SGCD: variants seen among roughly 807,000 people sequenced by gnomAD.
The protein encoded by SGCD is delta-sarcoglycan.
In SGCD, 18 loss-of-function variants were observed where a neutral mutation model predicts 36.6. The observed-to-expected ratio is 0.49, with a 90% CI of 0.34 to 0.73. SGCD has a LOEUF of 0.73. Among genes scored for constraint, SGCD ranks in the 30% least tolerant of loss-of-function variants. The pLI, the probability that SGCD is intolerant of heterozygous loss-of-function variation, is 0.01. For synonymous variants in SGCD, 133 were observed against 130.6 expected (o/e 1.02, Z -0.12); for missense variants, 387 against 346.7 (o/e 1.12, Z -0.92).
chr5:156,431,442 G>T (rs1472711624), intron 3 of SGCD, among the ~76,000 whole-genome samples: 1 of 152,120 alleles, frequency 6.6e-6, no homozygotes, highest in Non-Finnish European at 1.5e-5. Flanking sequence ...GCAGTGGTGT[G>T]CCAGAGGGGA....
intron 3 of SGCD, among the ~76,000 whole-genome samples, chr5:156,217,028 A>C (rs1055697466): frequency 6.6e-6 from 1 of 152,214 alleles, no homozygotes; most frequent in African/African-American, 2.4e-5. Flanking sequence ...CAGTGAGCCC[A>C]GATCGTGCCA....
chr5:155,876,790 G>A (rs1013025826), intron 1 of SGCD, among the ~76,000 whole-genome samples: 1 of 152,060 alleles, frequency 6.6e-6, no homozygotes, highest in Non-Finnish European at 1.5e-5. Context: ...ATATTTTAAA[G>A]CATTCTAGGT....
intron 3 of SGCD, among the ~76,000 whole-genome samples, chr5:156,231,364 A>G (rs548712041): frequency 1.3e-5 from 2 of 152,212 alleles, no homozygotes; most frequent in South Asian, 2.1e-4. Context: ...GTGAAACCCC[A>G]TCTCTACTAA....
chr5:156,117,000 G>GT (rs1761921289), intron 1 of SGCD, among the ~76,000 whole-genome samples: 1 of 151,950 alleles, frequency 6.6e-6, no homozygotes. Context: ...TTCTCTACAG[G>GT]TCTGCCTTTC....
the SGCD span, among the ~76,000 whole-genome samples, chr5:155,772,463 A>G: frequency 1.3e-5 from 2 of 152,288 alleles, no homozygotes; most frequent in South Asian, 4.1e-4. Context: ...AGGGATTGCC[A>G]CTTCATCAGG....
intron 6 of SGCD, among the ~76,000 whole-genome samples, chr5:156,610,282 G>A (rs1303284181): frequency 6.6e-6 from 1 of 151,970 alleles, no homozygotes. Flanking sequence ...TCAGCTGCAG[G>A]TCTGTTGGAG....
At chr5:155,810,064 G>A in the SGCD span, among the ~76,000 whole-genome samples, 10 of 152,230 alleles carry the variant, frequency 6.6e-5, no homozygotes, top group South Asian at 1.9e-3. Flanking sequence ...AATTGATGTA[G>A]GGTTATTACT....
intron 3 of SGCD, among the ~76,000 whole-genome samples, chr5:156,490,484 T>C (rs1156951794): frequency 1.9e-5 from 1 of 53,476 alleles, no homozygotes; most frequent in South Asian, 7.0e-4. Context: ...GAATGTAACA[T>C]ATCAAAAAAA....
chr5:156,576,285 T>C (rs972676614), intron 4 of SGCD, among the ~76,000 whole-genome samples: 1 of 152,200 alleles, frequency 6.6e-6, no homozygotes, highest in Non-Finnish European at 1.5e-5. Flanking sequence ...TAGTATTCCA[T>C]GGTGTATATG....
intron 7 of SGCD, among the ~76,000 whole-genome samples, chr5:156,689,757 G>A (rs2113703267): frequency 6.6e-6 from 1 of 152,250 alleles, no homozygotes; most frequent in African/African-American, 2.4e-5. Flanking sequence ...AAGACAGAAA[G>A]GATGGTAAGA....
rs1300954036 is a variant in SGCD at position 156,353,826 on chromosome 5, G to T, written c.192+9149G>T. Among the ~76,000 whole-genome samples, 6 of 152,110 alleles carry T rather than the reference G, an allele frequency of 3.9e-5. No homozygotes were observed. In the East Asian group the frequency reaches 1.2e-3, roughly 29 times the overall value. On this transcript the variant is annotated intron_variant, in intron 3 of 8. Coordinates refer to ENST00000337851, the MANE Select transcript of SGCD (RefSeq NM_000337.6). The stretch of plus-strand genomic sequence containing the variant: ...AAACAAAAATTTATTTTTATTCCAT[G>T]GTCAGTCCTAGGATATGGCTCTCTA...
chr5:156,377,857 G>A (rs1041479949), intron 3 of SGCD, among the ~76,000 whole-genome samples: 2 of 152,116 alleles, frequency 1.3e-5, no homozygotes, highest in African/African-American at 4.8e-5. Flanking sequence ...TGAAATCTCT[G>A]GTATGAGAAA....
At chr5:155,950,031 GT>G (rs1434384981) in intron 1 of SGCD, among the ~76,000 whole-genome samples, 2 of 152,106 alleles carry the variant, frequency 1.3e-5, no homozygotes. Context: ...ATATCATTCA[GT>G]TTAGTTTTGA....
chr5:155,954,563 CTT>C (rs199889260), intron 1 of SGCD, among the ~76,000 whole-genome samples: 2,498 of 130,606 alleles, frequency 0.019, 66 homozygotes, highest in African/African-American at 0.062. Context: ...TTATGGGGTT[CTT>C]TTTTTTTTTT....
chr5:156,286,333 CA>C (rs1304555834), intron 3 of SGCD, among the ~76,000 whole-genome samples: 1 of 152,094 alleles, frequency 6.6e-6, no homozygotes, highest in Non-Finnish European at 1.5e-5. Flanking sequence ...GGTATATACC[CA>C]AAGGATTATA....
intron 4 of SGCD, among the ~76,000 whole-genome samples, chr5:156,559,985 A>G (rs1759203362): frequency 6.6e-6 from 1 of 152,196 alleles, no homozygotes; most frequent in South Asian, 2.1e-4. Context: ...AGAAAAAAGG[A>G]CAATGTCTGA....
At chr5:156,522,570 C>T (rs540756190) in intron 4 of SGCD, among the ~76,000 whole-genome samples, 20 of 151,954 alleles carry the variant, frequency 1.3e-4, no homozygotes, top group African/African-American at 4.1e-4. Context: ...CAACACACAC[C>T]GGGGCCTATT....
chr5:156,708,848 G>A (rs1047285761), intron 7 of SGCD, among the ~76,000 whole-genome samples: 8 of 152,076 alleles, frequency 5.3e-5, no homozygotes, highest in African/African-American at 1.9e-4. Context: ...TAAATTCTTA[G>A]AGAAGTGACA....
chr5:156,210,386 G>A (rs1469372156), intron 3 of SGCD, among the ~76,000 whole-genome samples: 1 of 151,990 alleles, frequency 6.6e-6, no homozygotes, highest in African/African-American at 2.4e-5. Context: ...TTAATATAAG[G>A]CAACAAGAAA....
Sources: allele counts gnomAD v4.1 joint callset (sites outside exome capture counted in the v4.1 genomes callset), GRCh38; gene constraint gnomAD v4.1.1; transcripts MANE v1.5; gene names NCBI Gene and HGNC (gene_info 2026-07-23, HGNC 2026-07-21).